STK33: variants seen among roughly 807,000 people sequenced by gnomAD.
The protein encoded by STK33 is serine/threonine kinase 33.
STK33 carries 52 observed loss-of-function variants against 58.0 expected under a neutral mutation model. That is an observed-to-expected ratio of 0.90 (90% CI 0.72 to 1.13). STK33 has a LOEUF of 1.13. STK33 is among the 50% of genes most tolerant of loss of function. The pLI is 0.00. For missense variants in STK33, 630 were observed against 604.2 expected, an observed-to-expected ratio of 1.04 and a Z score of -0.45; for synonymous variants, 215 against 200.1, an observed-to-expected ratio of 1.07 and a Z score of -0.63.
At chr11:8,504,394 G>A (rs919918306) in intron 1 of STK33, among the ~76,000 whole-genome samples, 4 of 152,134 alleles carry the variant, frequency 2.6e-5, no homozygotes, top group Non-Finnish European at 4.4e-5. Flanking sequence ...CAGGGGTAGC[G>A]GTTGTAATGT....
chr11:8,462,464 CACACACACAT>C (rs1194618274), intron 7 of STK33, among the ~76,000 whole-genome samples: 11 of 147,344 alleles, frequency 7.5e-5, no homozygotes, highest in Admixed American at 3.4e-4. Flanking sequence ...CACACACACA[CACACACACAT>C]ATATATATAT....
intron 1 of STK33, among the ~76,000 whole-genome samples, chr11:8,528,006 G>A (rs11041961): frequency 0.016 from 2,373 of 152,202 alleles, 19 homozygotes; most frequent in East Asian, 0.045. Context: ...TTACCTACAG[G>A]GAGAGAATCT....
At chr11:8,343,189 T>G in the STK33 span, among the ~76,000 whole-genome samples, 1 of 152,204 alleles carries the variant, frequency 6.6e-6, no homozygotes, top group Non-Finnish European at 1.5e-5. Context: ...CCAATGAGCA[T>G]GAGGGGGCAG....
At chr11:8,482,617 T>G (rs779948877) in intron 1 of STK33, among the ~76,000 whole-genome samples, 1 of 152,206 alleles carries the variant, frequency 6.6e-6, no homozygotes, top group Non-Finnish European at 1.5e-5. Flanking sequence ...ATTTTTAGAA[T>G]GAGAGATACC....
intron 1 of STK33, among the ~76,000 whole-genome samples, chr11:8,547,371 C>T (rs750662583): frequency 1.1e-4 from 16 of 152,078 alleles, no homozygotes; most frequent in Non-Finnish European, 1.9e-4. Flanking sequence ...TGCGCCACCA[C>T]GCCTGGCTAA....
chr11:8,458,244 T>C (rs1333862602), intron 8 of STK33, among the ~76,000 whole-genome samples: 1 of 152,134 alleles, frequency 6.6e-6, no homozygotes, highest in African/African-American at 2.4e-5. Flanking sequence ...TGGAGTCTCT[T>C]TCACAACTAC....
At chr11:8,582,791 A>G (rs940916372) in intron 1 of STK33, among the ~76,000 whole-genome samples, 3 of 152,238 alleles carry the variant, frequency 2.0e-5, no homozygotes, top group Non-Finnish European at 4.4e-5. Context: ...CTTCTGGGCT[A>G]TGGTATGTTC....
At position 8,464,903 on chromosome 11, in the gene STK33, T is replaced by C; in HGVS notation, c.340-81A>G. On this transcript the variant is annotated intron_variant, in intron 6 of 15. Coordinates refer to ENST00000687296, the MANE Select transcript of STK33 (RefSeq NM_001352389.2). ...ATGAACATATAATACTGACAGATAC[T>C]CACCCAAGGGAAAAGAGATTCTGCT... 1.9e-5 allele frequency: 16 copies of C among 834,644 alleles called. 1 individual carries two copies. The South Asian group carries it at 2.8e-4, about 15-fold the overall frequency. 51.7% of individuals were successfully genotyped at this position (834,644 alleles called of 1,614,324 possible).
chr11:8,352,382 T>G, the STK33 span, among the ~76,000 whole-genome samples: 2 of 152,106 alleles, frequency 1.3e-5, no homozygotes, highest in Admixed American at 6.5e-5. Context: ...TGGTATTGTC[T>G]GGGGGTGGCA....
intron 14 of STK33, among the ~76,000 whole-genome samples, chr11:8,427,736 A>T (rs1026557451): frequency 1.3e-5 from 2 of 152,186 alleles, no homozygotes; most frequent in African/African-American, 4.8e-5. Flanking sequence ...TGTATCCTAT[A>T]TCACTGCATT....
At chr11:8,536,516 C>T (rs1003826588) in intron 1 of STK33, among the ~76,000 whole-genome samples, 1 of 152,066 alleles carries the variant, frequency 6.6e-6, no homozygotes, top group South Asian at 2.1e-4. Context: ...TCACTATTAG[C>T]CTCACTTAAA....
the STK33 span, among the ~76,000 whole-genome samples, chr11:8,357,288 G>A: frequency 4.6e-5 from 7 of 152,340 alleles, no homozygotes; most frequent in Admixed American, 3.3e-4. Context: ...TCCGGCCCCC[G>A]CAATGAGTGT....
At chr11:8,353,533 C>T in the STK33 span, among the ~76,000 whole-genome samples, 2 of 152,168 alleles carry the variant, frequency 1.3e-5, no homozygotes, top group African/African-American at 4.8e-5. Context: ...CTGCTGAAAT[C>T]GGTTAGAACA....
At chr11:8,510,436 T>C (rs1186207211) in intron 1 of STK33, among the ~76,000 whole-genome samples, 2 of 152,348 alleles carry the variant, frequency 1.3e-5, no homozygotes, top group East Asian at 3.9e-4. Context: ...GAATATTTTC[T>C]CCCACTCTGT....
At chr11:8,593,447 C>T (rs1412975646) in intron 1 of STK33, among the ~76,000 whole-genome samples, 1 of 152,182 alleles carries the variant, frequency 6.6e-6, no homozygotes, top group Non-Finnish European at 1.5e-5. Flanking sequence ...TTCACATGTA[C>T]TGTTCACAAA....
At chr11:8,396,918 G>A (rs1210505345) in intron 15 of STK33, among the ~76,000 whole-genome samples, 2 of 152,228 alleles carry the variant, frequency 1.3e-5, no homozygotes, top group Admixed American at 1.3e-4. Context: ...CTGGGAGAGG[G>A]GCGCCCGCCA....
intron 14 of STK33, among the ~76,000 whole-genome samples, chr11:8,418,785 T>C (rs1941494746): frequency 6.6e-6 from 1 of 152,292 alleles, no homozygotes; most frequent in South Asian, 2.1e-4. Flanking sequence ...TAATAGCCAT[T>C]CTGACTGGTG....
Position 8,575,245 on chromosome 11 carries a change from T to C in STK33, c.-466+18838A>G, listed in dbSNP as rs1190414478. Among the ~76,000 whole-genome samples, 10 of 152,170 alleles carry C rather than the reference T, an allele frequency of 6.6e-5. No homozygotes were observed. The East Asian group carries it at 1.9e-3, about 29-fold the overall frequency. On this transcript the variant is annotated intron_variant, in intron 1 of 15. Transcript: ENST00000687296. ...ACCACATGACCAGCAATTCTACTCC[T>C]AGGTATACATGCAAAGGAACTGAAA... is the stretch of plus-strand genomic sequence containing the variant.
chr11:8,408,379 G>T (rs996436451), intron 15 of STK33, among the ~76,000 whole-genome samples: 1 of 152,166 alleles, frequency 6.6e-6, no homozygotes, highest in Non-Finnish European at 1.5e-5. Flanking sequence ...GTGATTTAAA[G>T]GATTCACTAA....
Sources: gnomAD v4.1 joint callset for allele counts (sites outside exome capture counted in the v4.1 genomes callset) on GRCh38, gnomAD v4.1.1 for gene constraint, MANE v1.5 for transcripts, NCBI Gene and HGNC (gene_info 2026-07-23, HGNC 2026-07-21) for gene names.